CTNNA3: variants seen among roughly 807,000 people sequenced by gnomAD.
CTNNA3 encodes catenin alpha 3, also known as catenin alpha-3.
CTNNA3 carries 76 observed loss-of-function variants against 95.7 expected under a neutral mutation model. The observed-to-expected ratio is 0.79, with a 90% confidence interval of 0.66 to 0.96. The LOEUF is 0.96. Ranked by LOEUF, CTNNA3 falls within the 40% of genes least tolerant of loss-of-function variation. The pLI is 0.00. For missense variants in CTNNA3, 1,191 were observed against 1,089.8 expected (o/e 1.09, Z -1.31); for synonymous variants, 431 against 374.4 (o/e 1.15, Z -1.74).
At chr10:66,119,329 A>G (rs1485398437) in intron 13 of CTNNA3, among the ~76,000 whole-genome samples, 2 of 152,188 alleles carry the variant, frequency 1.3e-5, no homozygotes, top group Admixed American at 6.5e-5. Context: ...TATTATTTGT[A>G]AGATGAAATT....
At chr10:67,696,359 T>C (rs1316210918), upstream of CTNNA3, among the ~76,000 whole-genome samples, 1 of 152,180 alleles carries the variant, frequency 6.6e-6, no homozygotes, top group Non-Finnish European at 1.5e-5. Context: ...ATTTCTCTAG[T>C]TCCTTTCCAA....
chr10:66,409,010 C>T (rs933178301), intron 11 of CTNNA3, among the ~76,000 whole-genome samples: 2 of 151,916 alleles, frequency 1.3e-5, no homozygotes, highest in African/African-American at 4.8e-5. Flanking sequence ...TACAGTATAC[C>T]AAAACAAAAT....
At chr10:67,580,230 G>A (rs566670936) in intron 3 of CTNNA3, among the ~76,000 whole-genome samples, 1 of 152,282 alleles carries the variant, frequency 6.6e-6, no homozygotes, top group South Asian at 2.1e-4. Context: ...ATTAATTTTT[G>A]TATAAGGTGT....
At chr10:67,357,612 T>A (rs1160528974) in intron 5 of CTNNA3, among the ~76,000 whole-genome samples, 1 of 152,108 alleles carries the variant, frequency 6.6e-6, no homozygotes, top group Non-Finnish European at 1.5e-5. Context: ...CTTCTTAAGA[T>A]AATTTATAAA....
intron 3 of CTNNA3, among the ~76,000 whole-genome samples, chr10:67,573,475 C>T (rs1024890805): frequency 6.6e-6 from 1 of 152,062 alleles, no homozygotes; most frequent in African/African-American, 2.4e-5. Flanking sequence ...AGACAGAGAA[C>T]AGGTGCCATC....
intron 12 of CTNNA3, among the ~76,000 whole-genome samples, chr10:66,289,773 T>G (rs1241422531): frequency 6.6e-6 from 1 of 152,034 alleles, no homozygotes. Context: ...GAAAATGAAG[T>G]TTTATAACCA....
rs191350932 is a variant in CTNNA3 at position 67,187,350 on chromosome 10, A to G, written c.844-6830T>C. ...ATCCCCTTAAAAGAGAAGATATAGG[A>G]TTCAAATCCAATTTTATGTAAGTAC... On this transcript the variant is annotated intron_variant, in intron 6 of 17. Transcript: ENST00000433211. 5.3e-5 allele frequency among the ~76,000 whole-genome samples: 8 copies of G among 152,242 alleles called. No individual in the cohort carries two copies. The East Asian group carries it at 1.4e-3, about 26-fold the overall frequency.
rs192902970 is a variant in CTNNA3 at position 67,761,694 on chromosome 10, C to G, written c.-2+1740G>C. On this transcript the variant is annotated intron_variant, in intron 1 of 17. Transcript: ENST00000684154. Reference sequence around the variant, plus strand: ...GAGATCGAGACCATCCTGGCTAACACAGTGAAACCCCATCTCTACCAAAAA... The same window carrying G: ...GAGATCGAGACCATCCTGGCTAACAGAGTGAAACCCCATCTCTACCAAAAA... Among the ~76,000 whole-genome samples, 198 of 152,108 alleles carry G rather than the reference C, an allele frequency of 1.3e-3. 4 individuals are homozygous for G. The South Asian group carries it at 0.014, about 11-fold the overall frequency.
chr10:66,936,818 A>G (rs1847727474), intron 7 of CTNNA3, among the ~76,000 whole-genome samples: 1 of 152,116 alleles, frequency 6.6e-6, no homozygotes, highest in African/African-American at 2.4e-5. Flanking sequence ...CTGCTCCCAG[A>G]GTGAGAGCAG....
chr10:66,520,650 T>A lies in CTNNA3; in HGVS notation c.1498A>T (p.Ile500Phe). The change falls in exon 11 of 18, where the codon ATT (isoleucine) becomes TTT (phenylalanine). Residue 500 changes from isoleucine (I) to phenylalanine (F), a missense_variant. Transcript: ENST00000433211. ...GCAAGGAAGTCATCAATGCTTGTAATGTCATCTACGGCTTCAGTGAGGACA... is the reference window on the plus strand; with the variant it reads ...GCAAGGAAGTCATCAATGCTTGTAAAGTCATCTACGGCTTCAGTGAGGACA... Reference protein sequence around the residue: ...IHVLTEAVDDITSIDDFLAVS... With the variant: ...IHVLTEAVDDFTSIDDFLAVS... 6.2e-7 allele frequency: 1 copy of A among 1,610,480 alleles called. No individual in the cohort carries two copies. The highest frequency in any genetic ancestry group is 8.5e-7 in the Non-Finnish European group (1 of 1,178,170).
chr10:66,361,438 TTTTC>T (rs1369809306), intron 12 of CTNNA3, among the ~76,000 whole-genome samples: 1 of 150,176 alleles, frequency 6.7e-6, no homozygotes, highest in Non-Finnish European at 1.5e-5. Context: ...CTTTCTTTTC[TTTTC>T]TTTCTCTCTT....
chr10:67,489,505 C>T (rs1407877588), intron 5 of CTNNA3, among the ~76,000 whole-genome samples: 5 of 152,122 alleles, frequency 3.3e-5, no homozygotes, highest in African/African-American at 1.2e-4. Context: ...AGTAACCAAA[C>T]ATTTAAGCGT....
At chr10:66,631,299 C>G (rs949723850) in intron 9 of CTNNA3, among the ~76,000 whole-genome samples, 1 of 152,026 alleles carries the variant, frequency 6.6e-6, no homozygotes, top group Non-Finnish European at 1.5e-5. Flanking sequence ...TAACTGATAA[C>G]AAAATTAGAC....
At chr10:67,683,970 C>T (rs767018018) in intron 1 of CTNNA3, among the ~76,000 whole-genome samples, 8 of 152,192 alleles carry the variant, frequency 5.3e-5, no homozygotes, top group Non-Finnish European at 7.3e-5. Context: ...AAAGGTAATG[C>T]GAACCCAAAG....
rs1229022805 is a variant in CTNNA3 at position 66,179,070 on chromosome 10, TA to T, written c.1885-75822del. On this transcript the variant is annotated intron_variant, in intron 13 of 17. Transcript: ENST00000433211. ...TTCTGGGAATTTATCCCAGAGAAAATAAAAGCTATGTTCACCACAAAAACCT... is the reference window on the plus strand; with the variant it reads ...TTCTGGGAATTTATCCCAGAGAAAATAAAGCTATGTTCACCACAAAAACCT... 3.9e-5 allele frequency among the ~76,000 whole-genome samples: 6 copies of T among 151,992 alleles called. No homozygotes were observed. The South Asian group carries it at 1.2e-3, about 32-fold the overall frequency.
At chr10:66,477,775 T>A (rs1183369221) in intron 11 of CTNNA3, among the ~76,000 whole-genome samples, 1 of 152,026 alleles carries the variant, frequency 6.6e-6, no homozygotes, top group African/African-American at 2.4e-5. Context: ...CATAAAATAT[T>A]TGTTAGATAA....
At chr10:66,520,496 C>T (rs555243776) in intron 11 of CTNNA3, 121 bp downstream of exon 11, 24 of 790,182 alleles carry the variant, frequency 3.0e-5, no homozygotes, top group Middle Eastern at 3.7e-4. Context: ...AAGTAATCCA[C>T]CTGCCTCGGC....
chr10:65,990,930 AT>A (rs1308590166), intron 15 of CTNNA3, among the ~76,000 whole-genome samples: 4 of 151,936 alleles, frequency 2.6e-5, no homozygotes, highest in Non-Finnish European at 4.4e-5. Context: ...TCTTGATTTG[AT>A]TTTTGTATAT....
chr10:67,349,645 T>C lies in CTNNA3; in HGVS notation c.580-129775A>G, dbSNP rs575906013. 9.4e-4 allele frequency among the ~76,000 whole-genome samples: 143 copies of C among 152,294 alleles called. 1 individual carries two copies. The highest frequency in any genetic ancestry group is 3.1e-3 in the African/African-American group (130 of 41,586). ...GATCTGCTGTACAACATTGTACCTA[T>C]AGTTATCAATACTATATTGCACACT... On this transcript the variant is annotated intron_variant, in intron 5 of 17. Transcript: ENST00000433211.
Sources: allele counts gnomAD v4.1 joint callset (sites outside exome capture counted in the v4.1 genomes callset), GRCh38; gene constraint gnomAD v4.1.1; transcripts MANE v1.5; gene names NCBI Gene and HGNC (gene_info 2026-07-23, HGNC 2026-07-21).